The following CDH7 variants were observed in gnomAD, a reference collection of about 807,000 sequenced individuals.
The protein encoded by CDH7 is cadherin-7.
Under a neutral mutation model 71.8 loss-of-function variants are expected in CDH7, and 25 were observed. The observed-to-expected ratio is 0.35, with a 90% CI of 0.25 to 0.49. The LOEUF (loss-of-function observed/expected upper bound fraction) is 0.49. Ranked by LOEUF, CDH7 falls within the 20% of genes least tolerant of loss-of-function variation. CDH7 has a pLI of 0.99. For synonymous variants in CDH7, 381 were observed against 363.8 expected, an observed-to-expected ratio of 1.05 and a Z score of -0.54; for missense variants, 862 against 974.6, an observed-to-expected ratio of 0.88 and a Z score of 1.54.
chr18:65,790,179 C>A (rs1024155611), intron 2 of CDH7, among the ~76,000 whole-genome samples: 1 of 144,362 alleles, frequency 6.9e-6, no homozygotes, highest in Admixed American at 7.0e-5. Context: ...CAAGATCGCG[C>A]CACTGCACTC....
chr18:65,810,604 T>A (rs981185025), intron 3 of CDH7, among the ~76,000 whole-genome samples: 2 of 151,570 alleles, frequency 1.3e-5, no homozygotes, highest in Non-Finnish European at 2.9e-5. Context: ...GCAGGTTAGA[T>A]AGGTAAATGT....
At position 65,853,922 on chromosome 18, in the gene CDH7, T is replaced by TATATATATATCC. The variant is rs1555689483; in HGVS notation, c.1236-3884_1236-3883insCCATATATATAT. On this transcript the variant is annotated intron_variant, in intron 7 of 11. Transcript: ENST00000397968. ...ATAAATTACCATATATATATATATA[T>TATATATATATCC]ATATATATATATATATATATATATA... Among the ~76,000 whole-genome samples the TATATATATATCC allele has an allele frequency of 9.3e-3, 701 of 75,774 alleles. 39 individuals are homozygous for TATATATATATCC. The highest frequency in any genetic ancestry group is 0.041 in the African/African-American group (672 of 16,316). The allele number at this position is 75,774 out of a possible 152,430, so 49.7% of individuals were successfully genotyped here.
At chr18:65,878,599 T>C (rs1020859326) in intron 11 of CDH7, among the ~76,000 whole-genome samples, 3 of 152,144 alleles carry the variant, frequency 2.0e-5, no homozygotes, top group African/African-American at 7.2e-5. Context: ...AGACTACTTA[T>C]GGGAACAGAA....
intron 10 of CDH7, among the ~76,000 whole-genome samples, chr18:65,860,556 A>T (rs1051344878): frequency 6.6e-6 from 1 of 152,176 alleles, no homozygotes; most frequent in Non-Finnish European, 1.5e-5. Flanking sequence ...CATATGTTCG[A>T]ATGAGTTTTT....
intron 11 of CDH7, among the ~76,000 whole-genome samples, chr18:65,874,770 T>C (rs2144061631): frequency 6.6e-6 from 1 of 152,046 alleles, no homozygotes; most frequent in Non-Finnish European, 1.5e-5. Context: ...TATATATAGA[T>C]ATGTGGCCTT....
At chr18:65,821,932 T>C (rs1911944468) in intron 4 of CDH7, 149 bp from the exon 5 acceptor site, 2 of 595,690 alleles carry the variant, frequency 3.4e-6, no homozygotes, top group East Asian at 2.9e-5. Context: ...CCTATTTCTT[T>C]GGTCTTTAAT....
intron 6 of CDH7, among the ~76,000 whole-genome samples, chr18:65,825,161 C>G (rs532529436): frequency 6.6e-6 from 1 of 151,784 alleles, no homozygotes; most frequent in Non-Finnish European, 1.5e-5. Context: ...TAATGAAACC[C>G]TAAATTCAAC....
intron 4 of CDH7, among the ~76,000 whole-genome samples, chr18:65,821,213 A>T (rs1911915915): frequency 6.6e-6 from 1 of 152,074 alleles, no homozygotes; most frequent in South Asian, 2.1e-4. Flanking sequence ...TGGTGACAGT[A>T]TTAGGGAAGT....
At chr18:65,841,021 T>C (rs1912713758) in intron 6 of CDH7, among the ~76,000 whole-genome samples, 1 of 152,128 alleles carries the variant, frequency 6.6e-6, no homozygotes, top group Non-Finnish European at 1.5e-5. Flanking sequence ...AATTTTTTTA[T>C]TCAAATGCTT....
intron 1 of CDH7, among the ~76,000 whole-genome samples, chr18:65,754,615 C>T (rs1915981387): frequency 6.6e-6 from 1 of 152,076 alleles, no homozygotes; most frequent in Non-Finnish European, 1.5e-5. Context: ...AAGATAGCAA[C>T]ATTAAGTTTA....
At chr18:65,807,522 C>T (rs916277158) in intron 2 of CDH7, among the ~76,000 whole-genome samples, 4 of 152,096 alleles carry the variant, frequency 2.6e-5, no homozygotes, top group Non-Finnish European at 5.9e-5. Flanking sequence ...TTCTTGTGGT[C>T]TTCTGGATGT....
intron 2 of CDH7, among the ~76,000 whole-genome samples, chr18:65,794,737 G>A (rs1347176841): frequency 2.0e-5 from 3 of 152,108 alleles, no homozygotes; most frequent in African/African-American, 4.8e-5. Flanking sequence ...AGTGGAAATG[G>A]GCACACTCAG....
chr18:65,836,787 G>C (rs1395072955), intron 6 of CDH7, among the ~76,000 whole-genome samples: 1 of 151,934 alleles, frequency 6.6e-6, no homozygotes. Flanking sequence ...TTATTTTACT[G>C]TTTTTCAGGT....
intron 2 of CDH7, among the ~76,000 whole-genome samples, chr18:65,773,360 C>T (rs1354324417): frequency 6.6e-6 from 1 of 151,936 alleles, no homozygotes; most frequent in Non-Finnish European, 1.5e-5. Context: ...ATATATTGTT[C>T]TTATTATTGT....
chr18:65,873,744 T>C (rs569217443), intron 11 of CDH7, among the ~76,000 whole-genome samples: 1 of 152,294 alleles, frequency 6.6e-6, no homozygotes, highest in South Asian at 2.1e-4. Flanking sequence ...AGAGACCATA[T>C]AGATGATGGT....
chr18:65,864,840 G>C (rs1000058661), intron 11 of CDH7, among the ~76,000 whole-genome samples: 1 of 144,182 alleles, frequency 6.9e-6, no homozygotes, highest in African/African-American at 2.6e-5. Flanking sequence ...GCAGTGAGCC[G>C]AGATCATGCC....
chr18:65,762,101 A>G (rs1481266356), intron 1 of CDH7, among the ~76,000 whole-genome samples: 1 of 152,160 alleles, frequency 6.6e-6, no homozygotes, highest in Non-Finnish European at 1.5e-5. Context: ...AACACATCAA[A>G]ACAGCTGGTG....
chr18:65,821,109 G>A (rs1265797118), intron 4 of CDH7, among the ~76,000 whole-genome samples: 1 of 142,370 alleles, frequency 7.0e-6, no homozygotes, highest in African/African-American at 2.6e-5. Context: ...ATAATTAACA[G>A]CAAAAAATAA....
At chr18:65,859,673 A>C in intron 9 of CDH7, 35 bp from the exon 10 acceptor site, 1 of 1,251,568 alleles carries the variant, frequency 8.0e-7, no homozygotes. Context: ...ATAGCACACC[A>C]ATGTGCTTTC....
Sources: gnomAD v4.1 joint callset for allele counts (sites outside exome capture counted in the v4.1 genomes callset) on GRCh38, gnomAD v4.1.1 for gene constraint, MANE v1.5 for transcripts, NCBI Gene and HGNC (gene_info 2026-07-23, HGNC 2026-07-21) for gene names.